Variants in PRCC observed in about 807,000 individuals in gnomAD.
PRCC encodes proline rich mitotic checkpoint control factor.
In PRCC, 10 loss-of-function variants were observed where a neutral mutation model predicts 44.0. The ratio of observed to expected loss-of-function variants is 0.23; its 90% CI spans 0.14 to 0.39. The LOEUF (loss-of-function observed/expected upper bound fraction) is 0.39, where lower values mean the gene tolerates loss of function less well. PRCC is among the 10% of genes least tolerant of loss of function. The probability of loss-of-function intolerance (pLI) is 1.00; values close to 1 mark genes in which losing one functional copy is unlikely to be tolerated. For missense variants in PRCC, 573 were observed against 624.7 expected (o/e 0.92, Z 0.88); for synonymous variants, 278 against 259.5 (o/e 1.07, Z -0.69).
Position 156,783,947 on chromosome 1 carries a change from AT to A in PRCC, c.516+1631del, listed in dbSNP as rs71080797. On this transcript the variant is annotated intron_variant, in intron 2 of 6. Coordinates refer to ENST00000271526, the MANE Select transcript of PRCC (RefSeq NM_005973.5). ...GCTGATGTTTGTATTTATTTATTTA[AT>A]TTTTTTTTTTTTGGGGGGGACGGAG... 7.7e-4 allele frequency among the ~76,000 whole-genome samples: 112 copies of A among 144,792 alleles called. 1 individual carries two copies. Among genetic ancestry groups the A allele is most frequent in the African/African-American group, 1.9e-3 (74 of 39,594 alleles). The allele number at this position is 144,792 out of a possible 152,430, so 95.0% of individuals were successfully genotyped here. A position where few individuals can be genotyped will look rare whatever the true frequency, so the allele number is the denominator to read the frequency against.
In PRCC at chr1:156,800,601, T is replaced by A; in HGVS notation, c.*141T>A. On this transcript the variant is annotated 3_prime_UTR_variant, in exon 7 of 7. Transcript: ENST00000271526. ...GCCCTCGCCTCTGCGAGAATGAACA[T>A]ATTTGATAGATTTTTCTTAACAAGT... 1 of 760,966 alleles carries A rather than the reference T, an allele frequency of 1.3e-6. No individual in the cohort carries two copies. The highest frequency in any genetic ancestry group is 2.2e-6 in the Non-Finnish European group (1 of 463,644). The allele number at this position is 760,966 out of a possible 1,614,324, so 47.1% of individuals were successfully genotyped here.
At chr1:156,770,702 C>G (rs534343632) in intron 1 of PRCC, among the ~76,000 whole-genome samples, 43 of 152,230 alleles carry the variant, frequency 2.8e-4, no homozygotes, top group Non-Finnish European at 5.6e-4. Flanking sequence ...AGCTGTGCCC[C>G]CTCCAGATGT....
At chr1:156,768,262 C>A in intron 1 of PRCC, 23 bp downstream of exon 1, 1 of 1,535,720 alleles carries the variant, frequency 6.5e-7, no homozygotes, top group Non-Finnish European at 8.7e-7. Context: ...GGAAGGCACC[C>A]CCAAACTGTC....
intron 6 of PRCC, among the ~76,000 whole-genome samples, chr1:156,798,700 CA>C (rs1226633819): frequency 4.6e-5 from 7 of 151,856 alleles, no homozygotes; most frequent in Admixed American, 1.3e-4. Flanking sequence ...ACTAAAAATA[CA>C]AAAAATTAGC....
chr1:156,779,129 T>TATATATATATATATATATATATATATATA (rs1491456608), intron 1 of PRCC, among the ~76,000 whole-genome samples: 3 of 16,386 alleles, frequency 1.8e-4, no homozygotes, highest in African/African-American at 2.4e-4. Flanking sequence ...TATATATATA[T>TATATATATATATATATATATATATATATA]TTTTTTTTTT....
intron 1 of PRCC, among the ~76,000 whole-genome samples, chr1:156,781,432 A>C (rs1652047417): frequency 6.6e-6 from 1 of 152,226 alleles, no homozygotes; most frequent in Non-Finnish European, 1.5e-5. Flanking sequence ...TATCCAAACC[A>C]AGGCCCTGGG....
At chr1:156,792,012 G>GTGC (rs1652494825) in intron 4 of PRCC, among the ~76,000 whole-genome samples, 1 of 150,110 alleles carries the variant, frequency 6.7e-6, no homozygotes, top group Admixed American at 6.7e-5. Flanking sequence ...CAGGCCAGGG[G>GTGC]TGCTTTGGAA....
intron 1 of PRCC, among the ~76,000 whole-genome samples, chr1:156,779,102 TAA>T (rs1491564131): frequency 5.1e-5 from 3 of 58,348 alleles, no homozygotes; most frequent in African/African-American, 1.9e-4. Flanking sequence ...CCCGGCCGGG[TAA>T]TATATATATA....
chr1:156,794,218 A>G (rs1652584403), intron 4 of PRCC, among the ~76,000 whole-genome samples: 1 of 151,926 alleles, frequency 6.6e-6, no homozygotes, highest in African/African-American at 2.4e-5. Flanking sequence ...CGGCCTCCCA[A>G]AGTGCTGGGA....
chr1:156,781,271 T>G (rs752519087), intron 1 of PRCC, among the ~76,000 whole-genome samples: 7 of 152,112 alleles, frequency 4.6e-5, no homozygotes, highest in Non-Finnish European at 1.0e-4. Flanking sequence ...AATAGGTAAT[T>G]ATGATTGAAA....
At chr1:156,789,171 T>A (rs1276056265) in intron 3 of PRCC, among the ~76,000 whole-genome samples, 3 of 152,234 alleles carry the variant, frequency 2.0e-5, no homozygotes, top group African/African-American at 7.2e-5. Flanking sequence ...GGTTTCACCA[T>A]GTTGGTCAGG....
Position 156,774,157 on chromosome 1 carries a change from CTT to C in PRCC, c.468+5953_468+5954del, listed in dbSNP as rs76271348. Among the ~76,000 whole-genome samples the C allele has an allele frequency of 6.9e-4, 37 of 53,996 alleles. 2 individuals are homozygous for C. Among genetic ancestry groups the C allele is most frequent in the Non-Finnish European group, 9.0e-4 (28 of 31,006 alleles). The allele number at this position is 53,996 out of a possible 152,430, so 35.4% of individuals were successfully genotyped here. On this transcript the variant is annotated intron_variant, in intron 1 of 6. Transcript: ENST00000271526. The stretch of plus-strand genomic sequence containing the variant: ...GAGTTTCTTTCTTTTTTTGAGTCAC[CTT>C]TTTTTTTTTTTTTTTTTTTTTTTTT...
chr1:156,775,020 G>T (rs1470346297), intron 1 of PRCC, among the ~76,000 whole-genome samples: 1 of 151,470 alleles, frequency 6.6e-6, no homozygotes, highest in Non-Finnish European at 1.5e-5. Context: ...AGGCTGAGGT[G>T]GGCGGATCAC....
chr1:156,777,454 G>T (rs1269214622), intron 1 of PRCC, among the ~76,000 whole-genome samples: 2 of 152,018 alleles, frequency 1.3e-5, no homozygotes, highest in East Asian at 3.9e-4. Flanking sequence ...GTGGATGGTT[G>T]TCCTTTCCTT....
At chr1:156,784,996 TA>T (rs1652181536) in intron 2 of PRCC, among the ~76,000 whole-genome samples, 1 of 149,420 alleles carries the variant, frequency 6.7e-6, no homozygotes. Context: ...TTCTTCAGAT[TA>T]AAAAAATACA....
In PRCC at chr1:156,778,325, G is replaced by A. The variant is rs575014095; in HGVS notation, c.469-3957G>A. Among the ~76,000 whole-genome samples the A allele has an allele frequency of 2.6e-5, 4 of 152,198 alleles. No homozygotes were observed. In the South Asian group the frequency reaches 6.2e-4, roughly 24 times the overall value. On this transcript the variant is annotated intron_variant, in intron 1 of 6. Coordinates refer to ENST00000271526, the MANE Select transcript of PRCC (RefSeq NM_005973.5). ...CTTGGCTTATTTCTCTTAGCATAACGTTCTCCAGTTCTATCCATGCTGCTG... is the reference window on the plus strand; with the variant it reads ...CTTGGCTTATTTCTCTTAGCATAACATTCTCCAGTTCTATCCATGCTGCTG...
rs1054062612 is a variant in PRCC at position 156,800,578 on chromosome 1, C to G, written c.*118C>G. ...GGATCTCTTTCCCCAAGGACCCAGCCCTCGCCTCTGCGAGAATGAACATAT... is the reference window on the plus strand; with the variant it reads ...GGATCTCTTTCCCCAAGGACCCAGCGCTCGCCTCTGCGAGAATGAACATAT... On this transcript the variant is annotated 3_prime_UTR_variant, in exon 7 of 7. Transcript: ENST00000271526. 3.0e-6 allele frequency: 3 copies of G among 987,392 alleles called. No individual in the cohort carries two copies. Among genetic ancestry groups the G allele is most frequent in the Non-Finnish European group, 4.7e-6 (3 of 639,290 alleles). 61.2% of individuals were successfully genotyped at this position (987,392 alleles called of 1,614,324 possible).
chr1:156,775,228 G>A (rs61816270), intron 1 of PRCC, among the ~76,000 whole-genome samples: 127,414 of 151,874 alleles, frequency 0.84, 54,957 homozygotes, highest in Non-Finnish European at 0.94. Flanking sequence ...AGCCTGGGCT[G>A]CAGAGGGAGG....
intron 1 of PRCC, among the ~76,000 whole-genome samples, chr1:156,769,553 C>T (rs1206774690): frequency 1.3e-5 from 2 of 152,042 alleles, no homozygotes; most frequent in Admixed American, 6.6e-5. Flanking sequence ...CCAGAGTTTC[C>T]CTCCCAATCT....
Sources: allele counts gnomAD v4.1 joint callset (sites outside exome capture counted in the v4.1 genomes callset), GRCh38; gene constraint gnomAD v4.1.1; transcripts MANE v1.5; gene names NCBI Gene and HGNC (gene_info 2026-07-23, HGNC 2026-07-21).